WDR19: variants seen among roughly 807,000 people sequenced by gnomAD.
WDR19 encodes the protein WD repeat-containing protein 19.
A neutral mutation model predicts 180.0 loss-of-function variants in WDR19; 121 were observed. The observed-to-expected ratio is 0.67, with a 90% CI of 0.58 to 0.78. The LOEUF is 0.78. WDR19 is among the 30% of genes least tolerant of loss of function. WDR19 has a pLI of 0.00. For missense variants in WDR19, 1,450 were observed against 1,640.7 expected, an observed-to-expected ratio of 0.88 and a Z score of 2.01; for synonymous variants, 497 against 540.7, an observed-to-expected ratio of 0.92 and a Z score of 1.12.
At chr4:39,196,636 T>A (rs985817025) in intron 5 of WDR19, among the ~76,000 whole-genome samples, 1 of 152,184 alleles carries the variant, frequency 6.6e-6, no homozygotes, top group Non-Finnish European at 1.5e-5. Flanking sequence ...TACTGGCCTC[T>A]CCATTTCAAC....
At position 39,232,044 on chromosome 4, in the gene WDR19, C is replaced by A. The variant is rs1207661371; in HGVS notation, c.2142+88C>A. The A allele has an allele frequency of 1.0e-5, 16 of 1,538,506 alleles. 1 individual carries two copies. The South Asian group carries it at 1.9e-4, about 18-fold the overall frequency. On this transcript the variant is annotated intron_variant, in intron 18 of 36. Transcript: ENST00000399820. ...TCTAAATTTTTTGCATTTAATCTTA[C>A]CTCTTAAACAAGTGAATCGATAGAA...
At chr4:39,222,871 A>G (rs55976583) in intron 14 of WDR19, among the ~76,000 whole-genome samples, 52,094 of 151,982 alleles carry the variant, frequency 0.34, 9,339 homozygotes, top group African/African-American at 0.44. Flanking sequence ...ATACAGAACA[A>G]TTCTGCTGCC....
chr4:39,244,346 G>A lies in WDR19; in HGVS notation c.2520G>A (p.Arg840=). The A allele has an allele frequency of 1.2e-6, 2 of 1,613,890 alleles. No homozygotes were observed. Among genetic ancestry groups the A allele is most frequent in the East Asian group, 4.5e-5 (2 of 44,886 alleles). ...GVNQALKHPS[R]VLKRDCGAIL... is the part of the protein sequence containing the mutation. Reference sequence around the variant, plus strand: ...ACCAAGCCCTCAAGCATCCCAGCAGGGTCCTTAAAAGAGACTGTGGAGCCA... The same window carrying A: ...ACCAAGCCCTCAAGCATCCCAGCAGAGTCCTTAAAAGAGACTGTGGAGCCA... Residue 840 remains arginine, a synonymous_variant, in exon 22 of 37, where the codon AGG becomes AGA. Transcript: ENST00000399820.
chr4:39,195,306 G>A (rs1726613111), intron 5 of WDR19, among the ~76,000 whole-genome samples: 1 of 150,270 alleles, frequency 6.7e-6, no homozygotes, highest in Non-Finnish European at 1.5e-5. Flanking sequence ...GGTGGATGTT[G>A]CAGTGAGCAG....
chr4:39,201,300 A>C (rs1727352456), intron 6 of WDR19, among the ~76,000 whole-genome samples: 1 of 152,166 alleles, frequency 6.6e-6, no homozygotes, highest in Admixed American at 6.5e-5. Flanking sequence ...GAGTGTAAGA[A>C]ATTTGTAAAG....
At chr4:39,226,299 T>C (rs1392322785) in intron 15 of WDR19, among the ~76,000 whole-genome samples, 1 of 152,236 alleles carries the variant, frequency 6.6e-6, no homozygotes, top group African/African-American at 2.4e-5. Context: ...TCTCTTTTTC[T>C]TGATAATTTC....
At chr4:39,234,263 A>G (rs207464552) in intron 19 of WDR19, among the ~76,000 whole-genome samples, 1 of 152,194 alleles carries the variant, frequency 6.6e-6, no homozygotes, top group African/African-American at 2.4e-5. Flanking sequence ...TACCAGGCAG[A>G]GAAAAAAGAC....
At chr4:39,281,184 CCTT>C (rs1736463020) in intron 36 of WDR19, among the ~76,000 whole-genome samples, 1 of 111,006 alleles carries the variant, frequency 9.0e-6, no homozygotes, top group Non-Finnish European at 1.8e-5. Context: ...TTGGTTATTG[CCTT>C]CTTTGTCCTA....
At chr4:39,222,374 CT>C (rs1472418904) in intron 14 of WDR19, among the ~76,000 whole-genome samples, 1 of 151,956 alleles carries the variant, frequency 6.6e-6, no homozygotes, top group Non-Finnish European at 1.5e-5. Flanking sequence ...TATTTTTATT[CT>C]CTTAATAGTG....
intron 14 of WDR19, chr4:39,218,526 T>TAGGG (rs1310349347): frequency 6.4e-6 from 1 of 155,464 alleles, no homozygotes; most frequent in East Asian, 1.9e-4. Flanking sequence ...CATGCCTGTA[T>TAGGG]AGGGCACTTA....
chr4:39,250,708 C>A (rs1378143807), intron 24 of WDR19, among the ~76,000 whole-genome samples: 1 of 152,080 alleles, frequency 6.6e-6, no homozygotes, highest in Admixed American at 6.6e-5. Flanking sequence ...TCTTATACAC[C>A]AATAACAGAC....
intron 30 of WDR19, among the ~76,000 whole-genome samples, chr4:39,268,450 T>C (rs900307773): frequency 9.9e-5 from 15 of 152,152 alleles, no homozygotes; most frequent in African/African-American, 2.9e-4. Context: ...CTTAACAATA[T>C]GAGACATTAG....
chr4:39,272,040 C>T (rs911137882), intron 31 of WDR19, among the ~76,000 whole-genome samples: 8 of 152,170 alleles, frequency 5.3e-5, no homozygotes, highest in Non-Finnish European at 8.8e-5. Flanking sequence ...GGAGTTATAA[C>T]TTGCAACCTC....
At chr4:39,199,653 T>C in intron 6 of WDR19, 60 bp downstream of exon 6, 3 of 1,379,470 alleles carry the variant, frequency 2.2e-6, no homozygotes, top group Middle Eastern at 1.8e-4. Flanking sequence ...AATAAATAGT[T>C]TGTCTGTCAA....
intron 19 of WDR19, 100 bp from the exon 20 acceptor site, chr4:39,234,666 A>C (rs933595069): frequency 1.3e-6 from 1 of 753,094 alleles, no homozygotes; most frequent in Non-Finnish European, 2.3e-6. Context: ...TTATTTAAAC[A>C]AAAAGGTTTT....
intron 9 of WDR19, among the ~76,000 whole-genome samples, chr4:39,214,038 T>G (rs747853625): frequency 5.9e-5 from 9 of 152,180 alleles, no homozygotes; most frequent in Admixed American, 3.3e-4. Flanking sequence ...GTTCCCAACA[T>G]TGTACTACAC....
At chr4:39,262,655 C>G (rs1734406289) in intron 28 of WDR19, among the ~76,000 whole-genome samples, 1 of 152,154 alleles carries the variant, frequency 6.6e-6, no homozygotes, top group Non-Finnish European at 1.5e-5. Flanking sequence ...CATACCCCTA[C>G]CCAATAAGCC....
At chr4:39,274,999 T>C in intron 33 of WDR19, 41 bp downstream of exon 33, 1 of 1,563,668 alleles carries the variant, frequency 6.4e-7, no homozygotes, top group Non-Finnish European at 8.6e-7. Flanking sequence ...ATCGTATTTC[T>C]CAAAGTATTT....
chr4:39,246,300 GT>G (rs1246117571), intron 24 of WDR19, among the ~76,000 whole-genome samples: 2 of 152,218 alleles, frequency 1.3e-5, no homozygotes, highest in Non-Finnish European at 2.9e-5. Context: ...GAGGCCAGGA[GT>G]TTGAGGACAG....
Sources: gnomAD v4.1 joint callset for allele counts (sites outside exome capture counted in the v4.1 genomes callset) on GRCh38, gnomAD v4.1.1 for gene constraint, MANE v1.5 for transcripts, NCBI Gene and HGNC (gene_info 2026-07-23, HGNC 2026-07-21) for gene names.